The following SPATA6L variants were observed in gnomAD, a reference collection of about 807,000 sequenced individuals.
SPATA6L encodes spermatogenesis associated 6-like protein.
A neutral mutation model predicts 49.2 loss-of-function variants in SPATA6L; 68 were observed. The ratio of observed to expected loss-of-function variants is 1.38; its 90% CI spans 1.14 to 1.69. SPATA6L has a LOEUF of 1.69. Among genes scored for constraint, SPATA6L ranks in the 40% most tolerant of loss-of-function variants. The pLI is 0.00. For missense variants in SPATA6L, 668 were observed against 464.3 expected, an observed-to-expected ratio of 1.44 and a Z score of -4.03; for synonymous variants, 198 against 165.7, an observed-to-expected ratio of 1.19 and a Z score of -1.50.
chr9:4,641,427 G>A (rs921502365), intron 3 of SPATA6L, among the ~76,000 whole-genome samples: 1 of 152,060 alleles, frequency 6.6e-6, no homozygotes, highest in African/African-American at 2.4e-5. Flanking sequence ...ATAAAATGGT[G>A]TAATATTTGC....
At chr9:4,639,533 C>A (rs973338487) in intron 3 of SPATA6L, among the ~76,000 whole-genome samples, 2 of 152,152 alleles carry the variant, frequency 1.3e-5, no homozygotes, top group Non-Finnish European at 2.9e-5. Context: ...TGGTCATTTT[C>A]TAGAAATCCA....
At chr9:4,628,946 A>G in intron 5 of SPATA6L, 145 bp downstream of exon 5, 1 of 630,302 alleles carries the variant, frequency 1.6e-6, no homozygotes. Flanking sequence ...TTTGAATTAT[A>G]GAAATACAAA....
At chr9:4,656,895 T>TACCTATGCGTAACACAAAACAAAAGCTAA (rs1346411170) in intron 2 of SPATA6L, among the ~76,000 whole-genome samples, 1 of 152,144 alleles carries the variant, frequency 6.6e-6, no homozygotes. Context: ...AAAGAAATAT[T>TACCTATGCGTAACACAAAACAAAAGCTAA]ACCTATGCGT....
chr9:4,642,626 A>G (rs748582119), intron 3 of SPATA6L, among the ~76,000 whole-genome samples: 22 of 152,148 alleles, frequency 1.4e-4, no homozygotes, highest in Non-Finnish European at 2.8e-4. Context: ...TATGATCCCT[A>G]TCAAAAGCCT....
At chr9:4,627,743 T>C in intron 5 of SPATA6L, 2 of 1,289,278 alleles carry the variant, frequency 1.6e-6, no homozygotes, top group Non-Finnish European at 2.0e-6. Context: ...CTAAGACGCT[T>C]CACGCTTACC....
chr9:4,635,072 TGATTA>T (rs1832514427), intron 4 of SPATA6L, among the ~76,000 whole-genome samples, 198 bp downstream of exon 4: 1 of 152,238 alleles, frequency 6.6e-6, no homozygotes, highest in African/African-American at 2.4e-5. Context: ...GATTTCAGCC[TGATTA>T]GATAAAACTT....
chr9:4,596,694 A>G (rs1042717231), downstream of SPATA6L, among the ~76,000 whole-genome samples: 2 of 152,214 alleles, frequency 1.3e-5, no homozygotes, highest in Non-Finnish European at 2.9e-5. Context: ...ACTTCTGTCA[A>G]GAGACCTTAG....
At chr9:4,617,764 T>C (rs1828339622) in intron 9 of SPATA6L, among the ~76,000 whole-genome samples, 159 bp downstream of exon 9, 1 of 152,236 alleles carries the variant, frequency 6.6e-6, no homozygotes, top group South Asian at 2.1e-4. Flanking sequence ...GATATGCCTC[T>C]GACTTTTGGG....
At chr9:4,591,661 C>A (rs750589898) in intron 13 of SPATA6L, among the ~76,000 whole-genome samples, 4 of 152,204 alleles carry the variant, frequency 2.6e-5, no homozygotes, top group Non-Finnish European at 5.9e-5. Context: ...AATGTGTCAA[C>A]TTCACATGAA....
At chr9:4,643,367 C>A (rs1834478893) in intron 3 of SPATA6L, among the ~76,000 whole-genome samples, 1 of 152,134 alleles carries the variant, frequency 6.6e-6, no homozygotes. Flanking sequence ...AAGGGGCATG[C>A]CATGCACTCC....
At chr9:4,627,718 G>C in intron 5 of SPATA6L, 1 of 1,288,222 alleles carries the variant, frequency 7.8e-7, no homozygotes, top group Admixed American at 2.3e-5. Flanking sequence ...AATTGAGGTA[G>C]TACACATGGA....
intron 11 of SPATA6L, among the ~76,000 whole-genome samples, chr9:4,601,741 G>C (rs1427716032): frequency 2.6e-5 from 4 of 152,182 alleles, no homozygotes; most frequent in South Asian, 2.1e-4. Flanking sequence ...CCGGGACTGG[G>C]ACACGTAGTG....
At chr9:4,622,849 G>A (rs956638612) in intron 6 of SPATA6L, among the ~76,000 whole-genome samples, 1 of 152,194 alleles carries the variant, frequency 6.6e-6, no homozygotes, top group African/African-American at 2.4e-5. Context: ...ATAGGACAAC[G>A]TTTCACATTC....
intron 2 of SPATA6L, among the ~76,000 whole-genome samples, chr9:4,660,831 C>T (rs1221881803): frequency 6.6e-6 from 1 of 152,190 alleles, no homozygotes; most frequent in Non-Finnish European, 1.5e-5. Flanking sequence ...CACATATACA[C>T]CGTGGAATAC....
At position 4,661,879 on chromosome 9, in the gene SPATA6L, A is replaced by C; in HGVS notation, c.177+20T>G. 1 of 1,612,592 alleles carries C rather than the reference A, an allele frequency of 6.2e-7. No individual in the cohort carries two copies. ...AGGTTATCTTCAGACAACAAAAGCCAATGAGAAAGTCAAGATCACCTTTTC... is the reference window on the plus strand; with the variant it reads ...AGGTTATCTTCAGACAACAAAAGCCCATGAGAAAGTCAAGATCACCTTTTC... On this transcript the variant is annotated intron_variant, in intron 2 of 11. Coordinates refer to ENST00000682582, the MANE Select transcript of SPATA6L (RefSeq NM_001353486.2).
At chr9:4,621,556 T>C (rs1259198408) in intron 7 of SPATA6L, among the ~76,000 whole-genome samples, 5 of 151,948 alleles carry the variant, frequency 3.3e-5, no homozygotes, top group Admixed American at 3.3e-4. Context: ...TGGCACAATC[T>C]CAGCTCACTG....
At position 4,645,226 on chromosome 9, in the gene SPATA6L, C is replaced by G. The variant is rs137866645; in HGVS notation, c.227-9827G>C. 1.4e-3 allele frequency among the ~76,000 whole-genome samples: 211 copies of G among 152,220 alleles called. 1 individual carries two copies. Among genetic ancestry groups the G allele is most frequent in the Non-Finnish European group, 1.3e-3 (88 of 68,004 alleles). On this transcript the variant is annotated intron_variant, in intron 3 of 11. Transcript: ENST00000682582. Reference sequence around the variant, plus strand: ...TATACCCCATTCCCAGGTATACACACAGAAGAACTAAAAGCAAATATACAA... The same window carrying G: ...TATACCCCATTCCCAGGTATACACAGAGAAGAACTAAAAGCAAATATACAA...
chr9:4,625,152 GT>G, intron 6 of SPATA6L, 174 bp downstream of exon 6: 2 of 1,220,024 alleles, frequency 1.6e-6, no homozygotes, highest in Non-Finnish European at 2.2e-6. Context: ...CTTTCTAGGG[GT>G]TTCCTGACAA....
At position 4,631,651 on chromosome 9, in the gene SPATA6L, T is replaced by A. The variant is rs147965623; in HGVS notation, c.352-2483A>T. ...TGCTAGTGGAGGAAATAAATCTAAT[T>A]ATTAATCAATTGATAAATTAGGAGA... On this transcript the variant is annotated intron_variant, in intron 4 of 11. Coordinates refer to ENST00000682582, the MANE Select transcript of SPATA6L (RefSeq NM_001353486.2). 8.0e-3 allele frequency among the ~76,000 whole-genome samples: 1,216 copies of A among 152,324 alleles called. 12 individuals are homozygous for A. The highest frequency in any genetic ancestry group is 0.027 in the African/African-American group (1,117 of 41,572).
Sources: allele counts gnomAD v4.1 joint callset (sites outside exome capture counted in the v4.1 genomes callset), GRCh38; gene constraint gnomAD v4.1.1; transcripts MANE v1.5; gene names NCBI Gene and HGNC (gene_info 2026-07-23, HGNC 2026-07-21).